The following MIA2 variants were observed in gnomAD, a reference collection of about 807,000 sequenced individuals.
MIA2 encodes melanoma inhibitory activity protein 2.
MIA2 carries 127 observed loss-of-function variants against 167.8 expected under a neutral mutation model. The ratio of observed to expected loss-of-function variants is 0.76; its 90% CI spans 0.66 to 0.88. The LOEUF is 0.88. Among genes scored for constraint, MIA2 ranks in the 40% least tolerant of loss-of-function variants. MIA2 has a pLI of 0.00. For missense variants in MIA2, 1,690 were observed against 1,624.7 expected (o/e 1.04, Z -0.69); for synonymous variants, 552 against 541.9 (o/e 1.02, Z -0.26).
chr14:39,358,409 C>G (rs2074587876), intron 23 of MIA2, among the ~76,000 whole-genome samples: 1 of 152,304 alleles, frequency 6.6e-6, no homozygotes, highest in Non-Finnish European at 1.5e-5. Flanking sequence ...TCCATCAGGT[C>G]CTTTAGGGAT....
At chr14:39,299,345 G>A (rs1389945570) in intron 13 of MIA2, among the ~76,000 whole-genome samples, 1 of 110,424 alleles carries the variant, frequency 9.1e-6, no homozygotes, top group African/African-American at 3.5e-5. Flanking sequence ...GTCTCGCTCT[G>A]TTGCCAGGCT....
rs772707920 is a variant in MIA2 at position 39,350,278 on chromosome 14, C to G, written c.*14C>G. The stretch of plus-strand genomic sequence containing the variant: ...CAAGAAACCTGACAATATTTTTGCT[C>G]TCTTCAAAAGTAATTTTGACTGATC... On this transcript the variant is annotated 3_prime_UTR_variant, in exon 29 of 29. Coordinates refer to ENST00000640607, the MANE Select transcript of MIA2 (RefSeq NM_001329214.4). 26 of 1,330,146 alleles carry G rather than the reference C, an allele frequency of 2.0e-5. No homozygotes were observed. Among genetic ancestry groups the G allele is most frequent in the East Asian group, 2.7e-5 (1 of 36,538 alleles). 82.4% of individuals were successfully genotyped at this position (1,330,146 alleles called of 1,614,324 possible).
In MIA2 at chr14:39,327,140, T is replaced by C. The variant is rs909099329; in HGVS notation, c.3655+118T>C. On this transcript the variant is annotated intron_variant, in intron 25 of 28. Transcript: ENST00000640607. ...CTCTCTTAAGAAAAATCATCGTACA[T>C]TTTTGAAAACAACAATGATAAATAA... 31 of 721,574 alleles carry C rather than the reference T, an allele frequency of 4.3e-5. No individual in the cohort carries two copies. In the African/African-American group the frequency reaches 5.7e-4, roughly 13 times the overall value. The allele number at this position is 721,574 out of a possible 1,614,324, so 44.7% of individuals were successfully genotyped here.
rs2060137126 is a variant in MIA2, at chr14:39,288,448, TATATATATA to T, written c.2131-2570_2131-2562del. Among the ~76,000 whole-genome samples the T allele has an allele frequency of 9.8e-4, 34 of 34,718 alleles. 2 individuals carry two copies. Among genetic ancestry groups the T allele is most frequent in the African/African-American group, 3.1e-3 (18 of 5,800 alleles). The allele number at this position is 34,718 out of a possible 152,430, so 22.8% of individuals were successfully genotyped here. ...TATATTATACATATATATATATATATATATATATATATATATATATATATATATTTTTTT... is the reference window on the plus strand; with the variant it reads ...TATATTATACATATATATATATATATTATATATATATATATATATTTTTTT... On this transcript the variant is annotated intron_variant, in intron 9 of 28. Transcript: ENST00000640607.
rs185784315 is a variant in MIA2, at chr14:39,348,049, A to G, written c.3837+278A>G. Among the ~76,000 whole-genome samples, 303 of 151,820 alleles carry G rather than the reference A, an allele frequency of 2.0e-3. 2 individuals carry two copies. The highest frequency in any genetic ancestry group is 7.0e-3 in the African/African-American group (287 of 41,182). On this transcript the variant is annotated intron_variant, in intron 27 of 28. Coordinates refer to ENST00000640607, the MANE Select transcript of MIA2 (RefSeq NM_001329214.4). ...GCTGGTCTTGAAGTCCTGACCTCAG[A>G]TGATCCACTCGCCTTGGCCTCCCAA... is the stretch of plus-strand genomic sequence containing the variant.
At chr14:39,363,212 A>T (rs1212108559) in intron 23 of MIA2, among the ~76,000 whole-genome samples, 1 of 152,202 alleles carries the variant, frequency 6.6e-6, no homozygotes, top group Non-Finnish European at 1.5e-5. Context: ...TGTTATGTCT[A>T]TTTGGTCTAA....
At chr14:39,375,678 C>T (rs1368028418) in intron 23 of MIA2, among the ~76,000 whole-genome samples, 1 of 152,146 alleles carries the variant, frequency 6.6e-6, no homozygotes, top group Admixed American at 6.5e-5. Context: ...GCTTGTGTGA[C>T]AGAGCAAGAG....
At chr14:39,338,912 G>A (rs1454352433) in intron 25 of MIA2, among the ~76,000 whole-genome samples, 2 of 152,180 alleles carry the variant, frequency 1.3e-5, no homozygotes, top group Admixed American at 6.5e-5. Context: ...AGAAATGAAA[G>A]TGAGGTATCA....
intron 19 of MIA2, among the ~76,000 whole-genome samples, chr14:39,314,339 A>G (rs961956494): frequency 6.7e-6 from 1 of 150,272 alleles, no homozygotes; most frequent in African/African-American, 2.4e-5. Flanking sequence ...GTGAGCCGAG[A>G]TTACGCCACT....
downstream of MIA2, among the ~76,000 whole-genome samples, chr14:39,355,249 GTTC>G (rs1302094304): frequency 2.0e-5 from 3 of 152,158 alleles, no homozygotes; most frequent in South Asian, 2.1e-4. Context: ...GTGGTTTGTA[GTTC>G]TTCTTGAACA....
chr14:39,280,933 T>C, intron 9 of MIA2, among the ~76,000 whole-genome samples: 1 of 70,720 alleles, frequency 1.4e-5, no homozygotes, highest in East Asian at 4.6e-4. Context: ...TTTTTTTTTT[T>C]TTTGAGACAG....
At chr14:39,296,374 C>A (rs1354110727) in intron 13 of MIA2, among the ~76,000 whole-genome samples, 1 of 151,684 alleles carries the variant, frequency 6.6e-6, no homozygotes. Context: ...CTTGACTTTC[C>A]AATATTGCTT....
chr14:39,284,795 C>T (rs1020607712), intron 9 of MIA2, among the ~76,000 whole-genome samples: 2 of 148,954 alleles, frequency 1.3e-5, no homozygotes, highest in Non-Finnish European at 3.0e-5. Flanking sequence ...GTGTTTCTCG[C>T]AGAGGGGGAT....
intron 27 of MIA2, 46 bp from the exon 28 acceptor site, chr14:39,348,697 T>G (rs769627731): frequency 6.2e-7 from 1 of 1,604,930 alleles, no homozygotes; most frequent in East Asian, 2.2e-5. Flanking sequence ...GGAAAATGAT[T>G]GCAAATTTAC....
At chr14:39,288,381 T>TA (rs992792744) in intron 9 of MIA2, among the ~76,000 whole-genome samples, 4 of 148,520 alleles carry the variant, frequency 2.7e-5, no homozygotes, top group African/African-American at 9.9e-5. Flanking sequence ...TGTCTTTCAG[T>TA]CTGTGAATGT....
chr14:39,283,608 C>T (rs1204390460), intron 9 of MIA2, among the ~76,000 whole-genome samples: 5 of 152,108 alleles, frequency 3.3e-5, no homozygotes, highest in South Asian at 2.1e-4. Context: ...GGTAAACTTG[C>T]GTCCTGGGGG....
At chr14:39,252,641 T>C in intron 4 of MIA2, 107 bp from the exon 5 acceptor site, 1 of 726,470 alleles carries the variant, frequency 1.4e-6, no homozygotes, top group Non-Finnish European at 2.3e-6. Flanking sequence ...CGAAGTATCA[T>C]AATGACCTAC....
chr14:39,381,423 A>G (rs907162216), intron 23 of MIA2, among the ~76,000 whole-genome samples: 1 of 152,252 alleles, frequency 6.6e-6, no homozygotes, highest in Non-Finnish European at 1.5e-5. Flanking sequence ...TTTATATCTC[A>G]TTACCATATT....
At position 39,319,189 on chromosome 14, in the gene MIA2, T is replaced by A. The variant is rs762555353; in HGVS notation, c.3285-20T>A. ...TTCTCTTGGATGAGTAACTTAGAGA[T>A]GTTTGTTCTTTATTTGCAGATTAAC... is the stretch of plus-strand genomic sequence containing the variant. On this transcript the variant is annotated intron_variant, in intron 22 of 28. Transcript: ENST00000640607. 28 of 1,403,270 alleles carry A rather than the reference T, an allele frequency of 2.0e-5. No individual in the cohort carries two copies. Among genetic ancestry groups the A allele is most frequent in the Non-Finnish European group, 2.7e-5 (28 of 1,027,544 alleles). The allele number at this position is 1,403,270 out of a possible 1,614,324, so 86.9% of individuals were successfully genotyped here. A position where few individuals can be genotyped will look rare whatever the true frequency, so the allele number is the denominator to read the frequency against.
Sources: allele counts gnomAD v4.1 joint callset (sites outside exome capture counted in the v4.1 genomes callset), GRCh38; gene constraint gnomAD v4.1.1; transcripts MANE v1.5; gene names NCBI Gene and HGNC (gene_info 2026-07-23, HGNC 2026-07-21).